Variants in CYTH1 observed in about 807,000 individuals in gnomAD.
The protein encoded by CYTH1 is cytohesin 1.
In CYTH1, 18 loss-of-function variants were observed where a neutral mutation model predicts 61.8. The ratio of observed to expected loss-of-function variants is 0.29; its 90% CI spans 0.20 to 0.43. The LOEUF (loss-of-function observed/expected upper bound fraction) is 0.43. Among genes scored for constraint, CYTH1 ranks in the 20% least tolerant of loss-of-function variants. The probability of loss-of-function intolerance (pLI) is 1.00; values close to 1 mark genes in which losing one functional copy is unlikely to be tolerated. For synonymous variants in CYTH1, 174 were observed against 184.3 expected (o/e 0.94, Z 0.45); for missense variants, 336 against 510.5 (o/e 0.66, Z 3.29).
intron 1 of CYTH1, chr17:78,736,684 T>C: frequency 2.5e-6 from 1 of 405,414 alleles, no homozygotes; most frequent in Non-Finnish European, 5.2e-6. Flanking sequence ...GCTGCGGCTT[T>C]GACTCACCGT....
chr17:78,676,794 G>A (rs1437985762), intron 13 of CYTH1: 1 of 357,672 alleles, frequency 2.8e-6, no homozygotes, highest in East Asian at 7.6e-5. Context: ...CTCAAAGACA[G>A]CAGCGCAGGC....
intron 1 of CYTH1, among the ~76,000 whole-genome samples, chr17:78,741,855 C>G (rs1238613050): frequency 1.3e-5 from 2 of 152,158 alleles, no homozygotes; most frequent in African/African-American, 2.4e-5. Flanking sequence ...GGAAGTAGAG[C>G]TGGAGGCAAA....
chr17:78,690,451 GTGCAGATCACC>G (rs1008998737), intron 11 of CYTH1, among the ~76,000 whole-genome samples: 5 of 141,800 alleles, frequency 3.5e-5, no homozygotes, highest in African/African-American at 1.3e-4. Context: ...TTACTGCTGG[GTGCAGATCACC>G]TGAGGTCAGG....
intron 1 of CYTH1, among the ~76,000 whole-genome samples, chr17:78,742,136 C>T (rs2093344158): frequency 6.6e-6 from 1 of 152,248 alleles, no homozygotes; most frequent in Admixed American, 6.5e-5. Context: ...TCAGCTCCTA[C>T]TAGTTCCTTA....
chr17:78,731,479 G>A (rs566138159), intron 1 of CYTH1, among the ~76,000 whole-genome samples: 2 of 152,120 alleles, frequency 1.3e-5, no homozygotes, highest in Admixed American at 6.5e-5. Flanking sequence ...AGGAAATCTC[G>A]TCGGGCGCGG....
chr17:78,727,797 T>G, intron 1 of CYTH1: 1 of 452,336 alleles, frequency 2.2e-6, no homozygotes, highest in Non-Finnish European at 4.6e-6. Flanking sequence ...TCTTGGACCG[T>G]CCCCTATCTC....
chr17:78,736,497 A>C (rs941846198), intron 1 of CYTH1, among the ~76,000 whole-genome samples: 3 of 151,968 alleles, frequency 2.0e-5, no homozygotes, highest in Non-Finnish European at 4.4e-5. Context: ...CTAACCACTA[A>C]GAGACTATGC....
Position 78,717,519 on chromosome 17 carries a change from T to G in CYTH1, c.23-7787A>C, listed in dbSNP as rs2093191661. On this transcript the variant is annotated intron_variant, in intron 1 of 13. Transcript: ENST00000446868. The surrounding 1 kb of genome is among the most constrained non-coding windows in gnomAD (Gnocchi z 4.4). Reference sequence around the variant, plus strand: ...TTATTTAAATGTTGCTTTGCAGATTTTAACAGTCGGCAGAAACCCAGAGCT... The same window carrying G: ...TTATTTAAATGTTGCTTTGCAGATTGTAACAGTCGGCAGAAACCCAGAGCT... 6.6e-6 allele frequency among the ~76,000 whole-genome samples: 1 copy of G among 152,146 alleles called. No homozygotes were observed. Among genetic ancestry groups the G allele is most frequent in the South Asian group, 2.1e-4 (1 of 4,830 alleles).
intron 11 of CYTH1, among the ~76,000 whole-genome samples, chr17:78,685,816 C>A (rs1299085602): frequency 6.7e-6 from 1 of 150,356 alleles, no homozygotes; most frequent in South Asian, 2.1e-4. Flanking sequence ...AATAACGTGG[C>A]TGGATAAAGG....
intron 1 of CYTH1, among the ~76,000 whole-genome samples, chr17:78,774,559 T>C (rs1431628239): frequency 3.3e-5 from 5 of 152,184 alleles, no homozygotes; most frequent in South Asian, 4.1e-4. Flanking sequence ...CCCTCCACAG[T>C]TGCTGAGCTG....
intron 1 of CYTH1, among the ~76,000 whole-genome samples, chr17:78,734,114 G>T (rs1323077306): frequency 6.6e-6 from 1 of 151,988 alleles, no homozygotes; most frequent in Non-Finnish European, 1.5e-5. Flanking sequence ...GCCGGGTGTG[G>T]TGGCATGCAC....
chr17:78,748,127 C>T (rs962688279), intron 1 of CYTH1, among the ~76,000 whole-genome samples: 3 of 152,196 alleles, frequency 2.0e-5, no homozygotes, highest in Non-Finnish European at 4.4e-5. Flanking sequence ...GGCTCTCTCA[C>T]TGTCCGCCAC....
At chr17:78,689,879 C>T (rs942668089) in intron 11 of CYTH1, among the ~76,000 whole-genome samples, 3 of 152,002 alleles carry the variant, frequency 2.0e-5, no homozygotes, top group East Asian at 1.9e-4. Flanking sequence ...GAGAAACCAG[C>T]GAGACTGCCG....
intron 1 of CYTH1, among the ~76,000 whole-genome samples, chr17:78,721,598 T>TCTCATCTGACAG (rs1192758372): frequency 6.6e-6 from 1 of 152,206 alleles, no homozygotes; most frequent in East Asian, 1.9e-4. Flanking sequence ...GTTGGAGCCG[T>TCTCATCTGACAG]CTCATCTGAC....
At chr17:78,712,145 G>A (rs1273420219) in intron 1 of CYTH1, among the ~76,000 whole-genome samples, 1 of 94,590 alleles carries the variant, frequency 1.1e-5, no homozygotes, top group Non-Finnish European at 2.3e-5. Context: ...AGGAAGGGAA[G>A]GAGGAAGGAA....
At chr17:78,737,618 AT>A (rs2093325843) in intron 1 of CYTH1, among the ~76,000 whole-genome samples, 1 of 151,138 alleles carries the variant, frequency 6.6e-6, no homozygotes, top group Admixed American at 6.6e-5. Context: ...AAAAAAAAAA[AT>A]CCAAGGGCCA....
intron 1 of CYTH1, among the ~76,000 whole-genome samples, chr17:78,720,269 C>A (rs1293410722): frequency 6.6e-6 from 1 of 152,122 alleles, no homozygotes; most frequent in Admixed American, 6.5e-5. Flanking sequence ...AAAATAAAGG[C>A]CTGGCATGGT....
chr17:78,748,984 A>G (rs898640243), intron 1 of CYTH1, among the ~76,000 whole-genome samples: 2 of 152,182 alleles, frequency 1.3e-5, no homozygotes, highest in Non-Finnish European at 2.9e-5. Context: ...GAACCATCAC[A>G]TGACAGAGGA....
intron 1 of CYTH1, among the ~76,000 whole-genome samples, chr17:78,724,829 CATCACCAGGCAGT>C (rs2093256843): frequency 6.6e-6 from 1 of 152,190 alleles, no homozygotes; most frequent in African/African-American, 2.4e-5. Flanking sequence ...CAGACGTCCT[CATCACCAGGCAGT>C]GCCACCAGGC....
Sources: allele counts gnomAD v4.1 joint callset (sites outside exome capture counted in the v4.1 genomes callset), GRCh38; gene constraint gnomAD v4.1.1; non-coding constraint Gnocchi (gnomAD v3.1); transcripts MANE v1.5; gene names NCBI Gene and HGNC (gene_info 2026-07-23, HGNC 2026-07-21).